GALNT17: variants seen among roughly 807,000 people sequenced by gnomAD.
GALNT17 encodes UDP-GalNAc:polypeptide N-acetylgalactosaminyltransferase-like 3.
In GALNT17, 29 loss-of-function variants were observed where a neutral mutation model predicts 63.7. That is an observed-to-expected ratio of 0.46 (90% CI 0.34 to 0.62). GALNT17 has a LOEUF of 0.62. GALNT17 is among the 20% of genes least tolerant of loss of function. GALNT17 has a pLI of 0.01. For synonymous variants in GALNT17, 305 were observed against 318.3 expected, an observed-to-expected ratio of 0.96 and a Z score of 0.45; for missense variants, 603 against 799.6, an observed-to-expected ratio of 0.75 and a Z score of 2.97.
At chr7:71,150,780 G>A (rs1788116823) in intron 1 of GALNT17, among the ~76,000 whole-genome samples, 1 of 151,774 alleles carries the variant, frequency 6.6e-6, no homozygotes, top group Non-Finnish European at 1.5e-5. Flanking sequence ...AAAGTGCTGG[G>A]ATTACAGCCT....
At chr7:71,350,848 A>G (rs1312525721) in intron 2 of GALNT17, among the ~76,000 whole-genome samples, 1 of 152,156 alleles carries the variant, frequency 6.6e-6, no homozygotes, top group African/African-American at 2.4e-5. Context: ...GCAGCTCAAA[A>G]CTCTGGCAGC....
At chr7:71,627,189 G>A (rs1394268098) in intron 6 of GALNT17, among the ~76,000 whole-genome samples, 17 of 152,182 alleles carry the variant, frequency 1.1e-4, no homozygotes, top group Admixed American at 1.3e-4. Context: ...TGAGTGCAAC[G>A]TGGTCTCCCC....
chr7:71,387,611 G>C (rs57162295), intron 2 of GALNT17, among the ~76,000 whole-genome samples: 2,612 of 152,248 alleles, frequency 0.017, 82 homozygotes, highest in African/African-American at 0.059. Context: ...CAGGTGTGAG[G>C]CACTGCACCG....
intron 1 of GALNT17, among the ~76,000 whole-genome samples, chr7:71,183,756 G>A (rs1788779154): frequency 6.6e-6 from 1 of 152,130 alleles, no homozygotes; most frequent in African/African-American, 2.4e-5. Flanking sequence ...AAATTAGCTG[G>A]GCGTGATGGC....
chr7:71,278,355 G>A (rs1481248478), intron 1 of GALNT17, among the ~76,000 whole-genome samples: 1 of 152,162 alleles, frequency 6.6e-6, no homozygotes, highest in Non-Finnish European at 1.5e-5. Context: ...AAACAAAGAT[G>A]TTGGCAGACC....
chr7:71,139,695 G>C (rs1299801627), intron 1 of GALNT17, among the ~76,000 whole-genome samples: 1 of 152,064 alleles, frequency 6.6e-6, no homozygotes, highest in Non-Finnish European at 1.5e-5. Flanking sequence ...GGTGGAGTCA[G>C]AAAGAGAGGA....
Position 71,643,284 on chromosome 7 carries a change from A to G in GALNT17, c.1081-22127A>G, listed in dbSNP as rs185484008. Among the ~76,000 whole-genome samples, 167 of 152,230 alleles carry G rather than the reference A, an allele frequency of 1.1e-3. 1 individual carries two copies. Among genetic ancestry groups the G allele is most frequent in the East Asian group, 5.6e-3 (29 of 5,164 alleles). ...GGAGTTTGAGACCAGCCTGGCCAACATGGGGAAACCCTGTCTCTACTAAAA... is the reference window on the plus strand; with the variant it reads ...GGAGTTTGAGACCAGCCTGGCCAACGTGGGGAAACCCTGTCTCTACTAAAA... On this transcript the variant is annotated intron_variant, in intron 6 of 10. Transcript: ENST00000333538.
intron 1 of GALNT17, among the ~76,000 whole-genome samples, chr7:71,333,573 G>T (rs1791843900): frequency 1.3e-5 from 2 of 152,126 alleles, no homozygotes; most frequent in Non-Finnish European, 2.9e-5. Flanking sequence ...ACAGAGTCTT[G>T]CTCGGTCACC....
At chr7:71,701,841 G>T (rs13311493) in intron 9 of GALNT17, among the ~76,000 whole-genome samples, 1 of 10,778 alleles carries the variant, frequency 9.3e-5, no homozygotes, top group African/African-American at 2.5e-4. Context: ...ATATATATAT[G>T]TGTATATATA....
At chr7:71,481,889 T>C (rs1321759388) in intron 5 of GALNT17, among the ~76,000 whole-genome samples, 10 of 152,100 alleles carry the variant, frequency 6.6e-5, no homozygotes, top group Non-Finnish European at 1.0e-4. Flanking sequence ...GTTATAGCCG[T>C]CATTTCCCCT....
chr7:71,211,704 T>A (rs28793988), intron 1 of GALNT17, among the ~76,000 whole-genome samples: 2,102 of 152,196 alleles, frequency 0.014, 45 homozygotes, highest in African/African-American at 0.048. Context: ...CAGGCTGAGG[T>A]GGTCTCAGAT....
chr7:71,140,646 A>G (rs993478200), intron 1 of GALNT17, among the ~76,000 whole-genome samples: 1 of 152,222 alleles, frequency 6.6e-6, no homozygotes, highest in African/African-American at 2.4e-5. Flanking sequence ...GAGTGACCAC[A>G]GGAAGTTGGA....
chr7:71,268,611 G>T (rs1444368253), intron 1 of GALNT17, among the ~76,000 whole-genome samples: 1 of 151,816 alleles, frequency 6.6e-6, no homozygotes, highest in African/African-American at 2.4e-5. Context: ...AAAGAGATTG[G>T]GCTGCCTGCC....
intron 6 of GALNT17, among the ~76,000 whole-genome samples, chr7:71,572,992 TTTTA>T: frequency 6.6e-6 from 1 of 151,966 alleles, no homozygotes; most frequent in South Asian, 2.1e-4. Flanking sequence ...TTTTTTGTTT[TTTTA>T]TTTATTTATT....
At chr7:71,516,955 G>C (rs1220972065) in intron 5 of GALNT17, among the ~76,000 whole-genome samples, 2 of 152,150 alleles carry the variant, frequency 1.3e-5, no homozygotes, top group African/African-American at 4.8e-5. Flanking sequence ...GGAATCTCCT[G>C]AGCCACCTGG....
At chr7:71,624,743 T>C (rs1477382483) in intron 6 of GALNT17, among the ~76,000 whole-genome samples, 1 of 152,212 alleles carries the variant, frequency 6.6e-6, no homozygotes, top group African/African-American at 2.4e-5. Context: ...ATAAACCCAT[T>C]GCAGGTTAAC....
intron 2 of GALNT17, among the ~76,000 whole-genome samples, chr7:71,369,232 C>A: frequency 6.6e-6 from 1 of 152,328 alleles, no homozygotes; most frequent in South Asian, 2.1e-4. Flanking sequence ...TGGGATGAGC[C>A]TAACCTATGT....
In GALNT17 at chr7:71,290,389, A is replaced by G. The variant is rs80191816; in HGVS notation, c.239-45161A>G. Among the ~76,000 whole-genome samples the G allele has an allele frequency of 7.2e-5, 11 of 152,216 alleles. No homozygotes were observed. The East Asian group carries it at 2.1e-3, about 29-fold the overall frequency. On this transcript the variant is annotated intron_variant, in intron 1 of 10. Transcript: ENST00000333538. Reference sequence around the variant, plus strand: ...ATACTCATCTAGGGAGCTGCTCTGGATTGCGATGCCGTCTTGCAGGTGGCT... The same window carrying G: ...ATACTCATCTAGGGAGCTGCTCTGGGTTGCGATGCCGTCTTGCAGGTGGCT...
intron 3 of GALNT17, among the ~76,000 whole-genome samples, chr7:71,413,232 G>A (rs948336849): frequency 4.6e-5 from 7 of 152,024 alleles, no homozygotes; most frequent in African/African-American, 9.7e-5. Flanking sequence ...AACTTTTTCC[G>A]TTAATGCTCC....
Sources: allele counts gnomAD v4.1 joint callset (sites outside exome capture counted in the v4.1 genomes callset), GRCh38; gene constraint gnomAD v4.1.1; transcripts MANE v1.5; gene names NCBI Gene and HGNC (gene_info 2026-07-23, HGNC 2026-07-21).